The following CDK8 variants were observed in gnomAD, a reference collection of about 807,000 sequenced individuals.
The protein encoded by CDK8 is cyclin-dependent kinase 8.
In CDK8, 29 loss-of-function variants were observed where a neutral mutation model predicts 71.5. The observed-to-expected ratio is 0.41, with a 90% CI of 0.30 to 0.55. The LOEUF (loss-of-function observed/expected upper bound fraction) is 0.55, where lower values mean the gene tolerates loss of function less well. Ranked by LOEUF, CDK8 falls within the 20% of genes least tolerant of loss-of-function variation. The probability of loss-of-function intolerance (pLI) is 0.37; values close to 1 mark genes in which losing one functional copy is unlikely to be tolerated. For synonymous variants in CDK8, 161 were observed against 192.1 expected, an observed-to-expected ratio of 0.84 and a Z score of 1.34; for missense variants, 288 against 572.6, an observed-to-expected ratio of 0.50 and a Z score of 5.07.
In CDK8 at chr13:26,404,524, C is replaced by T. The variant is rs58828136; in HGVS notation, c.*443C>T. 3,945 of 233,782 alleles carry T rather than the reference C, an allele frequency of 0.017. 147 individuals are homozygous for T. Among genetic ancestry groups the T allele is most frequent in the African/African-American group, 0.08 (3,642 of 45,402 alleles). 14.5% of individuals were successfully genotyped at this position (233,782 alleles called of 1,614,324 possible). A position where few individuals can be genotyped will look rare whatever the true frequency, so the allele number is the denominator to read the frequency against. On this transcript the variant is annotated 3_prime_UTR_variant, in exon 13 of 13. Coordinates refer to ENST00000381527, the MANE Select transcript of CDK8 (RefSeq NM_001260.3). ...ACTTGAAACATACAGTATATGTTAA[C>T]GAAATAACCAAGACTCGAAATGAGA...
chr13:26,323,851 C>G (rs1318801541), intron 1 of CDK8, among the ~76,000 whole-genome samples: 1 of 152,042 alleles, frequency 6.6e-6, no homozygotes, highest in African/African-American at 2.4e-5. Flanking sequence ...CAGTGTTTGC[C>G]TCTGCAAAGA....
rs187998245 is a variant in CDK8, at chr13:26,254,603, G to A, written c.-39G>A. The A allele has an allele frequency of 3.6e-3, 5,271 of 1,453,780 alleles. 180 individuals carry two copies. In the African/African-American group the frequency reaches 0.066, roughly 18 times the overall value. 90.1% of individuals were successfully genotyped at this position (1,453,780 alleles called of 1,614,324 possible). ...CCCCGGTCCCCACCCCTGCCCCCCG[G>A]CCCCCCGACCCAGCTCTCCGGCCTC... On this transcript the variant is annotated 5_prime_UTR_variant, in exon 1 of 13. Coordinates refer to ENST00000381527, the MANE Select transcript of CDK8 (RefSeq NM_001260.3). This position sits in a 1 kb window ranked among gnomAD's most constrained non-coding sequence, Gnocchi z 6.7.
At chr13:26,386,339 C>T (rs1007497217) in intron 6 of CDK8, among the ~76,000 whole-genome samples, 3 of 152,192 alleles carry the variant, frequency 2.0e-5, no homozygotes, top group Admixed American at 1.3e-4. Context: ...TCTTTGGTTG[C>T]ATTATCATCA....
At chr13:26,349,759 A>G (rs1873609280) in intron 3 of CDK8, among the ~76,000 whole-genome samples, 1 of 151,932 alleles carries the variant, frequency 6.6e-6, no homozygotes, top group African/African-American at 2.4e-5. Flanking sequence ...AGTTTTATAA[A>G]TATACAAATG....
chr13:26,317,352 G>T (rs1315839866), intron 1 of CDK8, among the ~76,000 whole-genome samples: 1 of 152,028 alleles, frequency 6.6e-6, no homozygotes, highest in African/African-American at 2.4e-5. Flanking sequence ...GAGATAGACA[G>T]TTCTGTGATA....
intron 9 of CDK8, among the ~76,000 whole-genome samples, chr13:26,397,514 G>A (rs574141920): frequency 5.3e-5 from 8 of 151,606 alleles, no homozygotes; most frequent in Admixed American, 4.6e-4. Flanking sequence ...ATTGTTTTTC[G>A]TCTGTTTAAG....
intron 6 of CDK8, among the ~76,000 whole-genome samples, chr13:26,390,347 G>A (rs969414457): frequency 6.6e-6 from 1 of 152,144 alleles, no homozygotes. Context: ...TGATCAGAAC[G>A]CATCAAACTC....
rs180825322 is a variant in CDK8, at chr13:26,390,928, T to G, written c.647-2439T>G. Among the ~76,000 whole-genome samples, 131 of 151,914 alleles carry G rather than the reference T, an allele frequency of 8.6e-4. No homozygotes were observed. In the South Asian group the frequency reaches 0.01, roughly 12 times the overall value. On this transcript the variant is annotated intron_variant, in intron 6 of 12. Coordinates refer to ENST00000381527, the MANE Select transcript of CDK8 (RefSeq NM_001260.3). ...AGATGAAACTTATATGTTTTTAATT[T>G]GGAAAGCCATTTTATAAGGAGTTTG...
chr13:26,374,388 TA>T (rs754297576), intron 4 of CDK8, among the ~76,000 whole-genome samples: 19 of 152,176 alleles, frequency 1.2e-4, no homozygotes, highest in Non-Finnish European at 2.4e-4. Flanking sequence ...TGGATCACAG[TA>T]TATTAAATGT....
At chr13:26,370,022 A>G (rs1367661190) in intron 4 of CDK8, among the ~76,000 whole-genome samples, 1 of 152,212 alleles carries the variant, frequency 6.6e-6, no homozygotes, top group Non-Finnish European at 1.5e-5. Context: ...GAAGAAAGAC[A>G]TTTGTCACAG....
intron 4 of CDK8, among the ~76,000 whole-genome samples, chr13:26,361,969 G>C (rs1874165501): frequency 6.6e-6 from 1 of 151,654 alleles, no homozygotes; most frequent in Non-Finnish European, 1.5e-5. Context: ...ATTATTGGCT[G>C]TGTTTTATGC....
intron 1 of CDK8, among the ~76,000 whole-genome samples, chr13:26,317,480 A>C (rs2137941244): frequency 6.6e-6 from 1 of 152,354 alleles, no homozygotes; most frequent in East Asian, 1.9e-4. Flanking sequence ...TACCCAACAA[A>C]AGTGTACACA....
chr13:26,347,085 GT>G (rs1873490461), intron 2 of CDK8, among the ~76,000 whole-genome samples: 1 of 152,096 alleles, frequency 6.6e-6, no homozygotes, highest in South Asian at 2.1e-4. Context: ...TGTTGCAGTT[GT>G]TTTTGTTTTT....
At chr13:26,284,774 C>T (rs1191287815) in intron 1 of CDK8, among the ~76,000 whole-genome samples, 1 of 151,740 alleles carries the variant, frequency 6.6e-6, no homozygotes, top group Non-Finnish European at 1.5e-5. Context: ...GTCTTTGAAG[C>T]CAGTATCACC....
At chr13:26,281,036 A>G (rs1016122795) in intron 1 of CDK8, among the ~76,000 whole-genome samples, 2 of 152,258 alleles carry the variant, frequency 1.3e-5, no homozygotes, top group Non-Finnish European at 2.9e-5. Context: ...GAGGCCAACC[A>G]CAATATTACA....
At chr13:26,365,221 G>A (rs773754648) in intron 4 of CDK8, among the ~76,000 whole-genome samples, 10 of 152,100 alleles carry the variant, frequency 6.6e-5, no homozygotes, top group African/African-American at 1.9e-4. Context: ...AAATTTAAAT[G>A]AGATTTGCAT....
At chr13:26,285,967 C>T (rs1872998868) in intron 1 of CDK8, among the ~76,000 whole-genome samples, 1 of 152,144 alleles carries the variant, frequency 6.6e-6, no homozygotes, top group African/African-American at 2.4e-5. Flanking sequence ...GGTGAAACAT[C>T]TCTGCAAGGA....
In CDK8 at chr13:26,393,461, T is replaced by C; in HGVS notation, c.741T>C (p.Tyr247=). ...RQEDIKTSNP[Y]HHDQLDRIFN... is the part of the protein sequence containing the mutation. ...AGGACATCAAAACTAGTAATCCTTA[T>C]CACCATGACCAGCTGGACAGAATAT... The change falls in exon 7 of 13, where the codon TAT becomes TAC. Residue 247 remains tyrosine (Y), a synonymous_variant. Transcript: ENST00000381527. 1.2e-6 allele frequency: 2 copies of C among 1,611,650 alleles called. No homozygotes were observed. The highest frequency in any genetic ancestry group is 1.7e-6 in the Non-Finnish European group (2 of 1,177,916).
rs541319959 is a variant in CDK8, at chr13:26,256,930, G to A, written c.128+2161G>A. The stretch of plus-strand genomic sequence containing the variant: ...AGTTTTAGAGAGTTTTAAAATTACA[G>A]GGATTTTTTTCGGTTTGACTTCTCT... On this transcript the variant is annotated intron_variant, in intron 1 of 12. Transcript: ENST00000381527. Among the ~76,000 whole-genome samples the A allele has an allele frequency of 8.8e-3, 1,333 of 152,200 alleles. 9 individuals carry two copies. The highest frequency in any genetic ancestry group is 0.017 in the African/African-American group (694 of 41,540).
Sources: gnomAD v4.1 joint callset for allele counts (sites outside exome capture counted in the v4.1 genomes callset) on GRCh38, gnomAD v4.1.1 for gene constraint, Gnocchi (gnomAD v3.1) non-coding constraint, MANE v1.5 for transcripts, NCBI Gene and HGNC (gene_info 2026-07-23, HGNC 2026-07-21) for gene names.